Variants in NUP205 observed in about 807,000 individuals in gnomAD.
NUP205 encodes the protein nuclear pore complex protein Nup205.
Under a neutral mutation model 253.8 loss-of-function variants are expected in NUP205, and 76 were observed. That is an observed-to-expected ratio of 0.30 (90% confidence interval 0.25 to 0.36). The LOEUF (loss-of-function observed/expected upper bound fraction) is 0.36. Ranked by LOEUF, NUP205 falls within the 10% of genes least tolerant of loss-of-function variation. The pLI, the probability that NUP205 is intolerant of heterozygous loss-of-function variation, is 1.00. For missense variants in NUP205, 2,162 were observed against 2,425.5 expected, an observed-to-expected ratio of 0.89 and a Z score of 2.28; for synonymous variants, 832 against 850.1, an observed-to-expected ratio of 0.98 and a Z score of 0.37.
At chr7:135,581,056 TA>T (rs1457689693) in intron 7 of NUP205, among the ~76,000 whole-genome samples, 1 of 152,172 alleles carries the variant, frequency 6.6e-6, no homozygotes, top group Non-Finnish European at 1.5e-5. Flanking sequence ...TTTTAAACTA[TA>T]AAAATTTTTC....
chr7:135,629,285 C>T (rs1242829601), intron 34 of NUP205, among the ~76,000 whole-genome samples: 1 of 152,108 alleles, frequency 6.6e-6, no homozygotes, highest in Non-Finnish European at 1.5e-5. Context: ...TTATAAAATG[C>T]CAAAGTGGAA....
intron 23 of NUP205, among the ~76,000 whole-genome samples, chr7:135,615,598 T>C (rs919922619): frequency 2.6e-5 from 4 of 152,186 alleles, no homozygotes; most frequent in Non-Finnish European, 5.9e-5. Context: ...TTTAAAATAT[T>C]GTTTTATATA....
At chr7:135,619,993 A>C (rs992835567) in intron 30 of NUP205, 105 bp downstream of exon 30, 7 of 751,286 alleles carry the variant, frequency 9.3e-6, no homozygotes, top group African/African-American at 1.8e-5. Flanking sequence ...AACTGTAAAA[A>C]ATGAGTGTTA....
chr7:135,633,157 G>A (rs111871483), intron 35 of NUP205, among the ~76,000 whole-genome samples: 3 of 152,054 alleles, frequency 2.0e-5, no homozygotes, highest in Admixed American at 2.0e-4. Context: ...TAGAGACAGG[G>A]TCTTGCTATG....
intron 31 of NUP205, among the ~76,000 whole-genome samples, chr7:135,623,723 A>G (rs953188336): frequency 6.6e-6 from 1 of 152,240 alleles, no homozygotes; most frequent in African/African-American, 2.4e-5. Context: ...TTTGAAGACC[A>G]TAGGAAATAG....
intron 22 of NUP205, among the ~76,000 whole-genome samples, chr7:135,608,053 G>A (rs964443164): frequency 1.4e-5 from 2 of 138,780 alleles, no homozygotes; most frequent in African/African-American, 5.4e-5. Context: ...TTAATATGGA[G>A]TCTCGCTCTG....
At chr7:135,597,287 T>C (rs1434235462) in intron 13 of NUP205, 81 bp from the exon 14 acceptor site, 2 of 957,054 alleles carry the variant, frequency 2.1e-6, no homozygotes, top group Non-Finnish European at 3.4e-6. Context: ...GGGTGAGGTA[T>C]GTGACTATTA....
chr7:135,610,216 C>G (rs1443860109), intron 22 of NUP205, among the ~76,000 whole-genome samples: 2 of 152,156 alleles, frequency 1.3e-5, no homozygotes, highest in East Asian at 3.8e-4. Context: ...AACATACTCT[C>G]TGTTGTCGTT....
At chr7:135,589,488 A>G (rs899299683) in intron 10 of NUP205, among the ~76,000 whole-genome samples, 1 of 150,942 alleles carries the variant, frequency 6.6e-6, no homozygotes, top group African/African-American at 2.4e-5. Flanking sequence ...GGGTTTCTCC[A>G]TGTTGGTCAG....
Position 135,648,414 on chromosome 7 carries a change from A to C in NUP205, c.5897A>C (p.Asp1966Ala), listed in dbSNP as rs1455843514. ...SQHDLDQLQA[D>A]AINAFGESLQ... ...TTGTGTCACCGCTAGCTTCAGGCTGATGCAATCAACGCTTTTGGAGAATCA... is the reference window on the plus strand; with the variant it reads ...TTGTGTCACCGCTAGCTTCAGGCTGCTGCAATCAACGCTTTTGGAGAATCA... Residue 1966 changes from aspartate to alanine, a missense_variant, in exon 43 of 43, where the codon GAT becomes GCT. Transcript: ENST00000285968. The C allele has an allele frequency of 6.3e-7, 1 of 1,587,132 alleles. No individual in the cohort carries two copies. The highest frequency in any genetic ancestry group is 8.5e-7 in the Non-Finnish European group (1 of 1,171,264).
At chr7:135,608,927 C>G (rs1312483399) in intron 22 of NUP205, among the ~76,000 whole-genome samples, 9 of 151,274 alleles carry the variant, frequency 5.9e-5, no homozygotes, top group Admixed American at 5.9e-4. Flanking sequence ...ATGGTGGAAC[C>G]CCATCTCTAC....
chr7:135,564,169 T>C (rs998153128), intron 1 of NUP205, among the ~76,000 whole-genome samples: 2 of 150,804 alleles, frequency 1.3e-5, no homozygotes, highest in African/African-American at 4.9e-5. Context: ...GCCTCTACCC[T>C]CTGAGACTCA....
intron 16 of NUP205, 54 bp downstream of exon 16, chr7:135,601,023 A>ATAG: frequency 1.1e-6 from 1 of 915,248 alleles, no homozygotes; most frequent in Non-Finnish European, 1.7e-6. Flanking sequence ...TAATTTATAA[A>ATAG]TTATGGCTAT....
At chr7:135,565,155 CA>C (rs907732013) in intron 1 of NUP205, among the ~76,000 whole-genome samples, 3 of 152,128 alleles carry the variant, frequency 2.0e-5, no homozygotes, top group Non-Finnish European at 4.4e-5. Context: ...GAGCTTATTA[CA>C]CTAAATATGT....
intron 1 of NUP205, among the ~76,000 whole-genome samples, chr7:135,566,844 T>C (rs1805775057): frequency 6.6e-6 from 1 of 151,962 alleles, no homozygotes; most frequent in Non-Finnish European, 1.5e-5. Context: ...TTCAAGCAAT[T>C]CTTCTGCCTC....
chr7:135,563,398 AGGAC>A (rs1266769520), intron 1 of NUP205, among the ~76,000 whole-genome samples: 1 of 152,034 alleles, frequency 6.6e-6, no homozygotes, highest in South Asian at 2.1e-4. Flanking sequence ...TGTGTTGGCC[AGGAC>A]GGTCTTGATC....
intron 33 of NUP205, among the ~76,000 whole-genome samples, chr7:135,627,553 G>T (rs1183845810): frequency 6.6e-6 from 1 of 152,132 alleles, no homozygotes; most frequent in African/African-American, 2.4e-5. Context: ...TTGGGTAAGT[G>T]GTACTCACCC....
At chr7:135,608,432 C>T (rs7781394) in intron 22 of NUP205, among the ~76,000 whole-genome samples, 1,603 of 152,252 alleles carry the variant, frequency 0.011, 32 homozygotes, top group African/African-American at 0.036. Context: ...TGGGCCTGGG[C>T]ATGGTGGCTC....
chr7:135,635,790 G>A, intron 36 of NUP205, 133 bp downstream of exon 36: 1 of 514,784 alleles, frequency 1.9e-6, no homozygotes, highest in East Asian at 2.9e-5. Flanking sequence ...TAAATAATAT[G>A]CTTATATTGC....
Sources: gnomAD v4.1 joint callset for allele counts (sites outside exome capture counted in the v4.1 genomes callset) on GRCh38, gnomAD v4.1.1 for gene constraint, MANE v1.5 for transcripts, NCBI Gene and HGNC (gene_info 2026-07-23, HGNC 2026-07-21) for gene names.